The following NDUFB6 variants were observed in gnomAD, a reference collection of about 807,000 sequenced individuals.
NDUFB6 encodes the protein NADH dehydrogenase [ubiquinone] 1 beta subcomplex subunit 6.
In NDUFB6, 23 loss-of-function variants were observed where a neutral mutation model predicts 17.5. The ratio of observed to expected loss-of-function variants is 1.31; its 90% CI spans 0.94 to 1.86. The LOEUF is 1.86. NDUFB6 is among the 40% of genes most tolerant of loss of function. NDUFB6 has a pLI of 0.00. For synonymous variants in NDUFB6, 60 were observed against 53.5 expected (o/e 1.12, Z -0.53); for missense variants, 167 against 153.8 (o/e 1.09, Z -0.46).
At chr9:32,556,814 T>C (rs1821467320) in intron 3 of NDUFB6, among the ~76,000 whole-genome samples, 1 of 151,408 alleles carries the variant, frequency 6.6e-6, no homozygotes, top group African/African-American at 2.4e-5. Context: ...CACATCAATG[T>C]TACACAATAA....
chr9:32,567,546 A>T (rs1244743912), intron 2 of NDUFB6: 1 of 417,224 alleles, frequency 2.4e-6, no homozygotes, highest in South Asian at 1.8e-5. Flanking sequence ...GCTGATCTTG[A>T]ACTCCTCACC....
At chr9:32,570,410 G>T (rs1167852829) in intron 2 of NDUFB6, among the ~76,000 whole-genome samples, 1 of 151,968 alleles carries the variant, frequency 6.6e-6, no homozygotes, top group Admixed American at 6.6e-5. Flanking sequence ...ATTCTGCCTG[G>T]GATCCAACAC....
At chr9:32,568,226 G>A (rs1821854524) in intron 2 of NDUFB6, 2 of 169,068 alleles carry the variant, frequency 1.2e-5, no homozygotes, top group Non-Finnish European at 2.9e-5. Flanking sequence ...AACTCTCGTG[G>A]ATGACTTTGA....
rs999941980 is a variant in NDUFB6, at chr9:32,563,038, C to A, written c.274-4084G>T. Among the ~76,000 whole-genome samples the A allele has an allele frequency of 4.6e-5, 7 of 152,306 alleles. No homozygotes were observed. In the East Asian group the frequency reaches 7.7e-4, roughly 17 times the overall value. ...GTATAATGCCAATAATGAGGGAGAA[C>A]AGCCCCTCAGTTTGGGTTTATCTTC... is the stretch of plus-strand genomic sequence containing the variant. On this transcript the variant is annotated intron_variant, in intron 2 of 3. Coordinates refer to ENST00000379847, the MANE Select transcript of NDUFB6 (RefSeq NM_002493.5).
chr9:32,560,775 C>G (rs2119011975), intron 2 of NDUFB6, among the ~76,000 whole-genome samples: 1 of 152,036 alleles, frequency 6.6e-6, no homozygotes. Flanking sequence ...TTCAATTAAT[C>G]CAAAGATAGT....
rs1235172142 is a variant in NDUFB6, at chr9:32,572,937, G to C, written c.124C>G (p.Pro42Ala). The stretch of plus-strand genomic sequence containing the variant: ...AATTTATTCCAGAATTTCTCCATAG[G>C]CCCCATCTTCTGTGGGGGCAGCACC... ...EPVLPPQKMG[P>A]MEKFWNKFLE... Residue 42 changes from proline (P) to alanine (A), a missense_variant, in exon 1 of 4, where the codon CCT becomes GCT. Physicochemically the swap from Pro to Ala is conservative, Grantham distance 27. Transcript: ENST00000379847. 6.2e-7 allele frequency: 1 copy of C among 1,607,764 alleles called. No homozygotes were observed. Among genetic ancestry groups the C allele is most frequent in the Non-Finnish European group, 8.5e-7 (1 of 1,176,872 alleles).
At chr9:32,570,044 C>CTATA (rs1348994715) in intron 2 of NDUFB6, among the ~76,000 whole-genome samples, 1 of 152,102 alleles carries the variant, frequency 6.6e-6, no homozygotes, top group Non-Finnish European at 1.5e-5. Context: ...GCCAATCTCC[C>CTATA]TATATATAAC....
chr9:32,559,012 A>G, intron 2 of NDUFB6, 58 bp from the exon 3 acceptor site: 1 of 1,271,406 alleles, frequency 7.9e-7, no homozygotes, highest in East Asian at 2.4e-5. Flanking sequence ...TCTGAAAATA[A>G]GAAATAGGTC....
chr9:32,559,383 G>A (rs1451678469), intron 2 of NDUFB6, among the ~76,000 whole-genome samples: 1 of 152,156 alleles, frequency 6.6e-6, no homozygotes, highest in Admixed American at 6.5e-5. Flanking sequence ...GCTTCCACTT[G>A]TGCCCTCCTA....
intron 2 of NDUFB6, chr9:32,567,121 G>T: frequency 2.1e-6 from 1 of 480,696 alleles, no homozygotes; most frequent in South Asian, 1.5e-5. Flanking sequence ...TGTGCTTCTG[G>T]AGCACTGCAG....
At chr9:32,554,132 T>C in intron 3 of NDUFB6, among the ~76,000 whole-genome samples, 188 bp from the exon 4 acceptor site, 1 of 152,192 alleles carries the variant, frequency 6.6e-6, no homozygotes, top group East Asian at 1.9e-4. Flanking sequence ...TTTTAAGGTA[T>C]AGTGAAATAA....
At chr9:32,572,163 TTAC>T (rs781562497) in intron 1 of NDUFB6, among the ~76,000 whole-genome samples, 3 of 152,212 alleles carry the variant, frequency 2.0e-5, no homozygotes, top group South Asian at 2.1e-4. Flanking sequence ...CGTAGTATTG[TTAC>T]TACTATTATC....
At chr9:32,566,875 T>C in intron 2 of NDUFB6, 1 of 627,154 alleles carries the variant, frequency 1.6e-6, no homozygotes, top group South Asian at 1.6e-5. Flanking sequence ...GAGCCACGCG[T>C]GCGGCTGGCG....
At chr9:32,566,873 C>G in intron 2 of NDUFB6, 1 of 642,976 alleles carries the variant, frequency 1.6e-6, no homozygotes, top group Non-Finnish European at 2.6e-6. Flanking sequence ...ATGAGCCACG[C>G]GTGCGGCTGG....
At chr9:32,559,592 C>A (rs2065304490) in intron 2 of NDUFB6, among the ~76,000 whole-genome samples, 1 of 152,160 alleles carries the variant, frequency 6.6e-6, no homozygotes, top group Non-Finnish European at 1.5e-5. Context: ...GGCCTCTGTA[C>A]TTCATGATTC....
chr9:32,559,785 C>T (rs1416391969), intron 2 of NDUFB6, among the ~76,000 whole-genome samples: 4 of 151,936 alleles, frequency 2.6e-5, no homozygotes, highest in African/African-American at 7.3e-5. Flanking sequence ...ATTAATATAC[C>T]TCTTTGTTTA....
At chr9:32,556,090 C>T (rs1563991070) in intron 3 of NDUFB6, among the ~76,000 whole-genome samples, 2 of 151,904 alleles carry the variant, frequency 1.3e-5, no homozygotes, top group Non-Finnish European at 2.9e-5. Flanking sequence ...GATTTGGGGC[C>T]GGGGTGCAAT....
At chr9:32,560,976 A>T (rs1821607591) in intron 2 of NDUFB6, among the ~76,000 whole-genome samples, 1 of 152,254 alleles carries the variant, frequency 6.6e-6, no homozygotes, top group Admixed American at 6.5e-5. Flanking sequence ...TTAAACTTTC[A>T]CTGACAGAAA....
intron 2 of NDUFB6, 52 bp from the exon 3 acceptor site, chr9:32,559,006 A>G (rs1417041137): frequency 7.4e-7 from 1 of 1,347,234 alleles, no homozygotes; most frequent in Non-Finnish European, 1.0e-6. Context: ...GTTTCTTCTG[A>G]AAATAAGAAA....
Sources: gnomAD v4.1 joint callset for allele counts (sites outside exome capture counted in the v4.1 genomes callset) on GRCh38, gnomAD v4.1.1 for gene constraint, MANE v1.5 for transcripts, NCBI Gene and HGNC (gene_info 2026-07-23, HGNC 2026-07-21) for gene names.